Variants in ZNF138 observed in about 807,000 individuals in gnomAD.
ZNF138 encodes zinc finger protein 138.
A neutral mutation model predicts 33.0 loss-of-function variants in ZNF138; 33 were observed. The ratio of observed to expected loss-of-function variants is 1.00; its 90% CI spans 0.76 to 1.34. The LOEUF is 1.34. ZNF138 is among the 40% of genes most tolerant of loss of function. The probability of loss-of-function intolerance (pLI) is 0.00; values close to 1 mark genes in which losing one functional copy is unlikely to be tolerated. For missense variants in ZNF138, 360 were observed against 370.8 expected, an observed-to-expected ratio of 0.97 and a Z score of 0.24; for synonymous variants, 139 against 120.4, an observed-to-expected ratio of 1.15 and a Z score of -1.01.
chr7:64,846,918 T>G, the ZNF138 span, among the ~76,000 whole-genome samples: 2 of 152,302 alleles, frequency 1.3e-5, no homozygotes, highest in East Asian at 3.9e-4. Flanking sequence ...GGCTTTTATT[T>G]CATTAAAATA....
At chr7:64,843,302 G>T in the ZNF138 span, among the ~76,000 whole-genome samples, 4 of 152,122 alleles carry the variant, frequency 2.6e-5, no homozygotes, top group East Asian at 7.7e-4. Context: ...TTCTGATTTC[G>T]TTTGTTTTGG....
chr7:64,852,108 C>T, the ZNF138 span, among the ~76,000 whole-genome samples: 607 of 152,232 alleles, frequency 4.0e-3, 2 homozygotes, highest in Non-Finnish European at 5.9e-3. Context: ...AGAGCCTATT[C>T]GGCAAAAGGT....
At chr7:64,804,761 A>G (rs893127888) in intron 1 of ZNF138, among the ~76,000 whole-genome samples, 6 of 152,174 alleles carry the variant, frequency 3.9e-5, no homozygotes, top group Non-Finnish European at 5.9e-5. Context: ...AGCCTGGGTG[A>G]CAGAGTGAGA....
chr7:64,817,958 C>G (rs1168977643), intron 3 of ZNF138, among the ~76,000 whole-genome samples: 1 of 150,890 alleles, frequency 6.6e-6, no homozygotes, highest in African/African-American at 2.4e-5. Context: ...CTTTCTTCAG[C>G]CTGTATCTTA....
chr7:64,827,997 C>T (rs537570667), intron 3 of ZNF138, among the ~76,000 whole-genome samples: 3 of 151,956 alleles, frequency 2.0e-5, no homozygotes, highest in Non-Finnish European at 4.4e-5. Flanking sequence ...GAATATTATC[C>T]TTGTGTTTTT....
At chr7:64,841,925 A>T in the ZNF138 span, among the ~76,000 whole-genome samples, 47,425 of 152,096 alleles carry the variant, frequency 0.31, 7,929 homozygotes, top group Non-Finnish European at 0.37. Flanking sequence ...TCTGTTTGTA[A>T]ACGGAAAATC....
the ZNF138 span, among the ~76,000 whole-genome samples, chr7:64,851,148 T>C: frequency 6.6e-6 from 1 of 152,198 alleles, no homozygotes; most frequent in Non-Finnish European, 1.5e-5. Context: ...CAATACATTA[T>C]TGTTTACTAT....
chr7:64,846,976 C>T, the ZNF138 span, among the ~76,000 whole-genome samples: 4 of 152,048 alleles, frequency 2.6e-5, 1 homozygote, highest in Non-Finnish European at 5.9e-5. Context: ...ATAAAGGGAT[C>T]CTGGAATTTT....
chr7:64,809,153 A>T (rs1787863285), intron 1 of ZNF138, among the ~76,000 whole-genome samples: 1 of 118,844 alleles, frequency 8.4e-6, no homozygotes, highest in Non-Finnish European at 1.8e-5. Context: ...ACTTCCCAGT[A>T]GGGGCGGCCG....
chr7:64,801,630 T>C (rs1270693318), intron 1 of ZNF138, among the ~76,000 whole-genome samples: 1 of 152,136 alleles, frequency 6.6e-6, no homozygotes, highest in African/African-American at 2.4e-5. Flanking sequence ...GAAGAATATA[T>C]ATTATGTTGT....
rs747744901 is a variant in ZNF138, at chr7:64,814,964, A to G, written c.50A>G (p.Glu17Gly). 2 of 1,613,482 alleles carry G rather than the reference A, an allele frequency of 1.2e-6. No homozygotes were observed. The highest frequency in any genetic ancestry group is 3.3e-5 in the Admixed American group (2 of 59,976). ...GTGGCCATAGAGTTCTCTTTGGAGGAGTGGCAGTGCCTGGACACTGCACAG... is the reference window on the plus strand; with the variant it reads ...GTGGCCATAGAGTTCTCTTTGGAGGGGTGGCAGTGCCTGGACACTGCACAG... ...MDVAIEFSLE[E>G]WQCLDTAQRN... is the part of the protein sequence containing the mutation. The change falls in exon 2 of 4, where the codon GAG becomes GGG. Residue 17 changes from glutamate to glycine, a missense_variant. Glu to Gly is a moderately conservative substitution (Grantham distance 98). Transcript: ENST00000307355.
intron 1 of ZNF138, among the ~76,000 whole-genome samples, chr7:64,812,376 T>C (rs1230661728): frequency 6.6e-6 from 1 of 152,100 alleles, no homozygotes; most frequent in East Asian, 1.9e-4. Context: ...GCCAGGATGG[T>C]CTTGAAATCC....
chr7:64,831,602 C>T lies in ZNF138; in HGVS notation c.360C>T (p.His120=). Reference sequence around the variant, plus strand: ...AAAGTGTGGATGAGTGTAAGGGACACCAAGGAGGTTTTAATGGACTTAACC... The same window carrying T: ...AAAGTGTGGATGAGTGTAAGGGACATCAAGGAGGTTTTAATGGACTTAACC... ...GCKSVDECKG[H]QGGFNGLNQC... Residue 120 remains histidine, a synonymous_variant, in exon 4 of 4, where the codon CAC becomes CAT. Coordinates refer to ENST00000307355, the MANE Select transcript of ZNF138 (RefSeq NM_001271639.2). 6.2e-7 allele frequency: 1 copy of T among 1,612,372 alleles called. No homozygotes were observed. Among genetic ancestry groups the T allele is most frequent in the Non-Finnish European group, 8.5e-7 (1 of 1,179,502 alleles).
chr7:64,852,836 A>G, the ZNF138 span: 1 of 844,854 alleles, frequency 1.2e-6, no homozygotes. Flanking sequence ...AGTGGTAGTG[A>G]CTCTTCCCAG....
chr7:64,851,933 T>C, the ZNF138 span, among the ~76,000 whole-genome samples: 1 of 152,336 alleles, frequency 6.6e-6, no homozygotes, highest in African/African-American at 2.4e-5. Context: ...AACCCTCTTA[T>C]GACTGGGATG....
At chr7:64,858,262 C>T in the ZNF138 span, among the ~76,000 whole-genome samples, 1 of 152,182 alleles carries the variant, frequency 6.6e-6, no homozygotes, top group Admixed American at 6.5e-5. Context: ...CTCAGCTCTA[C>T]TTACATTGAC....
At chr7:64,853,196 C>T in the ZNF138 span, 1 of 1,598,190 alleles carries the variant, frequency 6.3e-7, no homozygotes, top group Non-Finnish European at 8.6e-7. Context: ...CCAGAAACTG[C>T]TCATCTTCTT....
intron 1 of ZNF138, among the ~76,000 whole-genome samples, chr7:64,806,694 C>A (rs901784645): frequency 2.0e-5 from 3 of 152,206 alleles, no homozygotes; most frequent in Non-Finnish European, 4.4e-5. Context: ...GTATTTATTT[C>A]TTGAAACTGC....
At chr7:64,850,315 G>A in the ZNF138 span, among the ~76,000 whole-genome samples, 3 of 152,328 alleles carry the variant, frequency 2.0e-5, no homozygotes, top group East Asian at 5.8e-4. Context: ...GCCAGGTCCT[G>A]TTGGAGCAGT....
Sources: allele counts gnomAD v4.1 joint callset (sites outside exome capture counted in the v4.1 genomes callset), GRCh38; gene constraint gnomAD v4.1.1; transcripts MANE v1.5; gene names NCBI Gene and HGNC (gene_info 2026-07-23, HGNC 2026-07-21).